The following DENND6A variants were observed in gnomAD, a reference collection of about 807,000 sequenced individuals.
The protein encoded by DENND6A is protein DENND6A.
A neutral mutation model predicts 95.5 loss-of-function variants in DENND6A; 43 were observed. The observed-to-expected ratio is 0.45, with a 90% CI of 0.35 to 0.58. DENND6A has a LOEUF of 0.58. DENND6A is among the 20% of genes least tolerant of loss of function. The pLI is 0.00. For synonymous variants in DENND6A, 257 were observed against 260.4 expected, an observed-to-expected ratio of 0.99 and a Z score of 0.13; for missense variants, 574 against 736.0, an observed-to-expected ratio of 0.78 and a Z score of 2.55.
intron 9 of DENND6A, among the ~76,000 whole-genome samples, chr3:57,653,503 TG>T (rs1238304793): frequency 6.6e-6 from 1 of 151,988 alleles, no homozygotes; most frequent in African/African-American, 2.4e-5. Flanking sequence ...CCCAGCACTT[TG>T]GGAGGCTGAG....
At chr3:57,649,351 A>C (rs2071145120) in intron 9 of DENND6A, among the ~76,000 whole-genome samples, 1 of 152,186 alleles carries the variant, frequency 6.6e-6, no homozygotes, top group Non-Finnish European at 1.5e-5. Context: ...AAATCAAAAA[A>C]TAATAAATGT....
intron 1 of DENND6A, 75 bp downstream of exon 1, chr3:57,692,707 C>T (rs2077280839): frequency 3.0e-6 from 4 of 1,319,764 alleles, no homozygotes; most frequent in African/African-American, 1.6e-5. Context: ...CCGGTCAGCC[C>T]GCGGGCCGCT....
At chr3:57,670,019 C>CAAAAAAA (rs780880587) in intron 3 of DENND6A, among the ~76,000 whole-genome samples, 104 of 55,994 alleles carry the variant, frequency 1.9e-3, no homozygotes, top group East Asian at 3.1e-3. Flanking sequence ...AACTCCATCT[C>CAAAAAAA]AAAAAAAAAA....
rs35147242 is a variant in DENND6A at position 57,684,151 on chromosome 3, C to CAAA, written c.237+8628_237+8630dup. 4.3e-3 allele frequency among the ~76,000 whole-genome samples: 341 copies of CAAA among 78,834 alleles called. 12 individuals are homozygous for CAAA. Among genetic ancestry groups the CAAA allele is most frequent in the African/African-American group, 0.012 (220 of 18,554 alleles). 51.7% of individuals were successfully genotyped at this position (78,834 alleles called of 152,430 possible). A position where few individuals can be genotyped will look rare whatever the true frequency, so the allele number is the denominator to read the frequency against. On this transcript the variant is annotated intron_variant, in intron 1 of 19. Transcript: ENST00000311128. Reference sequence around the variant, plus strand: ...TGGGTGACAGAGTGAGACTCCGTCTCAAAAAAAAAAAAAAAAAAAGAGTTT... The same window carrying CAAA: ...TGGGTGACAGAGTGAGACTCCGTCTCAAAAAAAAAAAAAAAAAAAAAAGAGTTT...
At chr3:57,683,321 T>C (rs1431977499) in intron 1 of DENND6A, among the ~76,000 whole-genome samples, 1 of 152,214 alleles carries the variant, frequency 6.6e-6, no homozygotes, top group East Asian at 1.9e-4. Context: ...TTATCAAGTG[T>C]TTTCCTTGTG....
chr3:57,661,671 C>T, intron 5 of DENND6A, 120 bp from the exon 6 acceptor site: 1 of 731,592 alleles, frequency 1.4e-6, no homozygotes, highest in Non-Finnish European at 2.2e-6. Context: ...AAGGCTTTTA[C>T]AGTGGATAGT....
intron 1 of DENND6A, among the ~76,000 whole-genome samples, chr3:57,687,098 A>T (rs1414138264): frequency 1.3e-5 from 2 of 152,166 alleles, no homozygotes; most frequent in Non-Finnish European, 2.9e-5. Flanking sequence ...GGCTCAAGGA[A>T]TCCTCCTGCC....
chr3:57,641,270 A>G (rs555744352), intron 12 of DENND6A, among the ~76,000 whole-genome samples: 2 of 144,158 alleles, frequency 1.4e-5, no homozygotes, highest in African/African-American at 5.0e-5. Flanking sequence ...TCAATGTTAT[A>G]TTAAAATATA....
intron 9 of DENND6A, among the ~76,000 whole-genome samples, chr3:57,656,121 C>A (rs772061346): frequency 1.1e-4 from 16 of 151,922 alleles, no homozygotes; most frequent in Non-Finnish European, 1.8e-4. Context: ...TAAAATTTAC[C>A]CTTACCAAAG....
intron 4 of DENND6A, among the ~76,000 whole-genome samples, chr3:57,664,186 G>C (rs763673651): frequency 6.6e-6 from 1 of 151,842 alleles, no homozygotes; most frequent in Non-Finnish European, 1.5e-5. Flanking sequence ...CAAGGATAAG[G>C]GATCAATCTT....
chr3:57,691,796 G>T (rs748749816), intron 1 of DENND6A, among the ~76,000 whole-genome samples: 10 of 151,192 alleles, frequency 6.6e-5, no homozygotes, highest in Non-Finnish European at 8.8e-5. Flanking sequence ...ACAACGTCAA[G>T]AATAGATGTT....
chr3:57,692,912 C>G lies in DENND6A; in HGVS notation c.107G>C (p.Gly36Ala), dbSNP rs1042712460. ...GREAPALVAA[G>A]GAPEDDEEDD... is the part of the protein sequence containing the mutation. ...CTCTTCATCGTCCTCTGGCGCGCCT[C>G]CCGCCGCCACAAGGGCCGGCGCCTC... The change falls in exon 1 of 20, where the codon GGA becomes GCA. Residue 36 changes from glycine to alanine, a missense_variant. This residue lies in a region of DENND6A where 122 missense variants were observed against 105.1 expected (regional missense o/e 1.16). Coordinates refer to ENST00000311128, the MANE Select transcript of DENND6A (RefSeq NM_152678.3). 6.4e-7 allele frequency: 1 copy of G among 1,565,580 alleles called. No homozygotes were observed. Among genetic ancestry groups the G allele is most frequent in the South Asian group, 1.2e-5 (1 of 85,188 alleles).
At chr3:57,680,319 G>C (rs1347556693) in intron 1 of DENND6A, among the ~76,000 whole-genome samples, 4 of 152,206 alleles carry the variant, frequency 2.6e-5, no homozygotes, top group Admixed American at 1.3e-4. Flanking sequence ...TTAAAACCTT[G>C]CTTCAATAAC....
At chr3:57,638,336 G>C (rs998701829) in intron 12 of DENND6A, among the ~76,000 whole-genome samples, 11 of 150,694 alleles carry the variant, frequency 7.3e-5, no homozygotes. Context: ...GACTTGAATA[G>C]ACATTTCTCC....
intron 1 of DENND6A, among the ~76,000 whole-genome samples, chr3:57,681,632 AAAAAAGAAAGAAAGAAAG>A (rs2077166742): frequency 6.6e-6 from 1 of 151,658 alleles, no homozygotes; most frequent in Admixed American, 6.6e-5. Flanking sequence ...AAAAAAAAAA[AAAAAAGAAAGAAAGAAAG>A]AAAAAAGAAA....
intron 15 of DENND6A, 58 bp from the exon 16 acceptor site, chr3:57,631,036 T>C (rs1015540808): frequency 1.2e-5 from 19 of 1,530,084 alleles, no homozygotes; most frequent in Non-Finnish European, 1.6e-5. Context: ...TAAACAGACC[T>C]ACTTAAAAGG....
intron 12 of DENND6A, among the ~76,000 whole-genome samples, chr3:57,635,025 T>C (rs2070761501): frequency 6.6e-6 from 1 of 152,230 alleles, no homozygotes; most frequent in South Asian, 2.1e-4. Context: ...TTAATATCTA[T>C]CATTACTTAA....
rs962520926 is a variant in DENND6A, at chr3:57,625,528, T to C, written c.*2686A>G. 15 of 152,592 alleles carry C rather than the reference T, an allele frequency of 9.8e-5. No homozygotes were observed. The highest frequency in any genetic ancestry group is 3.6e-4 in the African/African-American group (15 of 41,448). 9.5% of individuals were successfully genotyped at this position (152,592 alleles called of 1,614,324 possible). A position where few individuals can be genotyped will look rare whatever the true frequency, so the allele number is the denominator to read the frequency against. ...TGCCTTCACAAAACCTCTTTTTCAC[T>C]GTAAATAGAAGGCACTAGGCATTAC... On this transcript the variant is annotated 3_prime_UTR_variant, in exon 20 of 20. Transcript: ENST00000311128.
intron 1 of DENND6A, among the ~76,000 whole-genome samples, chr3:57,676,348 TC>T (rs1201890113): frequency 1.5e-5 from 2 of 136,888 alleles, no homozygotes; most frequent in African/African-American, 2.7e-5. Context: ...CCACTGCCCT[TC>T]AGCCTGGCAA....
Sources: allele counts gnomAD v4.1 joint callset (sites outside exome capture counted in the v4.1 genomes callset), GRCh38; gene constraint gnomAD v4.1.1; regional missense constraint gnomAD v4.1.1; transcripts MANE v1.5; gene names NCBI Gene and HGNC (gene_info 2026-07-23, HGNC 2026-07-21).